Variants in TBC1D30 observed in about 807,000 individuals in gnomAD.
TBC1D30 encodes the protein TBC1 domain family member 30, also known as TBC1 domain family, member 30.
TBC1D30 carries 31 observed loss-of-function variants against 63.2 expected under a neutral mutation model. The observed-to-expected ratio is 0.49, with a 90% CI of 0.37 to 0.66. The LOEUF (loss-of-function observed/expected upper bound fraction) is 0.66, where lower values mean the gene tolerates loss of function less well. Among genes scored for constraint, TBC1D30 ranks in the 30% least tolerant of loss-of-function variants. The pLI is 0.00. For missense variants in TBC1D30, 810 were observed against 953.6 expected, an observed-to-expected ratio of 0.85 and a Z score of 1.98; for synonymous variants, 307 against 361.5, an observed-to-expected ratio of 0.85 and a Z score of 1.71.
chr12:64,819,320 GC>G (rs112493220), intron 2 of TBC1D30, among the ~76,000 whole-genome samples: 28 of 150,862 alleles, frequency 1.9e-4, no homozygotes, highest in African/African-American at 6.3e-4. Context: ...CTGCTGCCCT[GC>G]CCCTTCATCT....
intron 8 of TBC1D30, among the ~76,000 whole-genome samples, chr12:64,849,010 T>C (rs1876634620): frequency 6.6e-6 from 1 of 152,250 alleles, no homozygotes; most frequent in Non-Finnish European, 1.5e-5. Context: ...TTGATTTGCA[T>C]TTCTTTAATG....
intron 2 of TBC1D30, among the ~76,000 whole-genome samples, chr12:64,790,552 G>GA (rs997555899): frequency 5.9e-5 from 9 of 151,514 alleles, no homozygotes; most frequent in South Asian, 4.2e-4. Flanking sequence ...CTTGAAAACT[G>GA]AAAAAAAACA....
chr12:64,780,965 C>A, exon 1 of TBC1D30: 1 of 1,054,118 alleles, frequency 9.5e-7, no homozygotes, highest in Non-Finnish European at 1.2e-6. Flanking sequence ...GGAGCGGCCG[C>A]GGCGCTCCCG....
At chr12:64,789,074 T>A (rs191765081) in intron 2 of TBC1D30, among the ~76,000 whole-genome samples, 1 of 152,304 alleles carries the variant, frequency 6.6e-6, no homozygotes. Flanking sequence ...GACTTTCTTG[T>A]ATTTAGTTTG....
intron 2 of TBC1D30, among the ~76,000 whole-genome samples, chr12:64,793,723 G>A (rs1412874581): frequency 6.6e-6 from 1 of 152,040 alleles, no homozygotes; most frequent in East Asian, 1.9e-4. Context: ...AGTTCTCCTG[G>A]GCATTCTGTC....
intron 2 of TBC1D30, among the ~76,000 whole-genome samples, chr12:64,797,300 T>G (rs1872337081): frequency 6.6e-6 from 1 of 152,250 alleles, no homozygotes. Context: ...TTTCTTCCTG[T>G]TGTGTCACCT....
intron 1 of TBC1D30, among the ~76,000 whole-genome samples, chr12:64,761,239 A>G (rs779940535): frequency 1.3e-5 from 2 of 152,204 alleles, no homozygotes; most frequent in Non-Finnish European, 2.9e-5. Flanking sequence ...CGAAGCCCCA[A>G]ATTGTAAAAT....
rs1330755015 is a variant in TBC1D30 at position 64,875,655 on chromosome 12, T to C, written c.2153T>C (p.Leu718Pro). Residue 718 changes from leucine to proline, a missense_variant, in exon 12 of 12, where the codon CTG (leucine) becomes CCG (proline). By Grantham distance (98) the Leu-to-Pro change is moderately conservative. Around this residue, in one of 4 missense-constraint regions of TBC1D30, gnomAD observed 450 missense variants for 473.0 expected, o/e 0.95. Coordinates refer to ENST00000539867, the MANE Select transcript of TBC1D30 (RefSeq NM_015279.2). ...AGCCCTTTTCCCAGCGTCAAGCCCCTGCGGAAATCTGCTACTGCCAGGAAC... is the reference window on the plus strand; with the variant it reads ...AGCCCTTTTCCCAGCGTCAAGCCCCCGCGGAAATCTGCTACTGCCAGGAAC... ...IFSPFPSVKP[L>P]RKSATARNLG... The C allele has an allele frequency of 4.6e-6, 7 of 1,536,276 alleles. No homozygotes were observed. Among genetic ancestry groups the C allele is most frequent in the Non-Finnish European group, 6.1e-6 (7 of 1,146,948 alleles).
chr12:64,789,736 A>G (rs1871815323), intron 2 of TBC1D30, among the ~76,000 whole-genome samples: 2 of 152,204 alleles, frequency 1.3e-5, no homozygotes. Flanking sequence ...TGGGCTGGGA[A>G]TAAGAAAAAC....
intron 1 of TBC1D30, among the ~76,000 whole-genome samples, chr12:64,765,624 T>A (rs1256456964): frequency 6.6e-6 from 1 of 150,836 alleles, no homozygotes; most frequent in African/African-American, 2.4e-5. Context: ...AGTTAATAGA[T>A]TAATGTGTTA....
chr12:64,860,615 C>T (rs1352747316), intron 8 of TBC1D30, among the ~76,000 whole-genome samples: 1 of 152,136 alleles, frequency 6.6e-6, no homozygotes, highest in Non-Finnish European at 1.5e-5. Context: ...TCAAACTGGA[C>T]TGTGTAAGAA....
intron 8 of TBC1D30, among the ~76,000 whole-genome samples, chr12:64,852,096 A>T (rs568318181): frequency 1.3e-5 from 2 of 152,086 alleles, no homozygotes. Context: ...CTCCTGGGTA[A>T]TATCTTGAAG....
upstream of TBC1D30, among the ~76,000 whole-genome samples, chr12:64,823,851 A>C (rs1874046935): frequency 6.6e-6 from 1 of 152,184 alleles, no homozygotes; most frequent in South Asian, 2.1e-4. Context: ...CCAAAACTAC[A>C]GGAGGCACAT....
rs752236088 is a variant in TBC1D30 at position 64,830,297 on chromosome 12, G to A, written c.283-80G>A. The A allele has an allele frequency of 1.5e-4, 206 of 1,363,582 alleles. 1 individual carries two copies. Among genetic ancestry groups the A allele is most frequent in the Non-Finnish European group, 1.9e-4 (196 of 1,024,330 alleles). 84.5% of individuals were successfully genotyped at this position (1,363,582 alleles called of 1,614,324 possible). On this transcript the variant is annotated intron_variant, in intron 3 of 11. Transcript: ENST00000539867. ...TAGGGACACTTCCCATTTTCTTGTC[G>A]AATGCAATAACTACTTTCTAATAAA...
chr12:64,844,301 C>A (rs1479058009), intron 8 of TBC1D30, among the ~76,000 whole-genome samples: 1 of 151,480 alleles, frequency 6.6e-6, no homozygotes, highest in Admixed American at 6.6e-5. Flanking sequence ...TCATATTCAT[C>A]AAGTCTTTGA....
At chr12:64,832,702 G>A (rs943429686) in intron 5 of TBC1D30, among the ~76,000 whole-genome samples, 3 of 152,180 alleles carry the variant, frequency 2.0e-5, no homozygotes, top group African/African-American at 4.8e-5. Context: ...TTGGTGTTGC[G>A]ATCTCATCTG....
intron 8 of TBC1D30, among the ~76,000 whole-genome samples, chr12:64,859,549 T>A (rs1167667996): frequency 1.1e-4 from 17 of 152,046 alleles, no homozygotes; most frequent in Admixed American, 1.1e-3. Flanking sequence ...TGGAAACAGA[T>A]TGGAACAGAG....
intron 2 of TBC1D30, among the ~76,000 whole-genome samples, chr12:64,810,022 C>T (rs1159980583): frequency 6.6e-6 from 1 of 152,172 alleles, no homozygotes. Flanking sequence ...AGCAACCCTC[C>T]CATGCTCCGT....
intron 6 of TBC1D30, 136 bp from the exon 7 acceptor site, chr12:64,838,547 C>T (rs2136390403): frequency 1.1e-5 from 10 of 882,928 alleles, no homozygotes; most frequent in Middle Eastern, 6.0e-4. Context: ...AAAGAAAGAA[C>T]AAGAGTTTAG....
Sources: allele counts gnomAD v4.1 joint callset (sites outside exome capture counted in the v4.1 genomes callset), GRCh38; gene constraint gnomAD v4.1.1; regional missense constraint gnomAD v4.1.1; transcripts MANE v1.5; gene names NCBI Gene and HGNC (gene_info 2026-07-23, HGNC 2026-07-21).